The following SEC14L5 variants were observed in gnomAD, a reference collection of about 807,000 sequenced individuals.
SEC14L5 encodes SEC14-like protein 5.
A neutral mutation model predicts 84.6 loss-of-function variants in SEC14L5; 96 were observed. The ratio of observed to expected loss-of-function variants is 1.13; its 90% CI spans 0.96 to 1.34. The LOEUF (loss-of-function observed/expected upper bound fraction) is 1.34, where lower values mean the gene tolerates loss of function less well. SEC14L5 is among the 40% of genes most tolerant of loss of function. SEC14L5 has a pLI of 0.00. For synonymous variants in SEC14L5, 546 were observed against 383.4 expected, an observed-to-expected ratio of 1.42 and a Z score of -4.95; for missense variants, 1,224 against 942.5, an observed-to-expected ratio of 1.30 and a Z score of -3.91.
chr16:5,016,887 C>T lies in SEC14L5; in HGVS notation c.*1917C>T, dbSNP rs1377432087. On this transcript the variant is annotated 3_prime_UTR_variant, in exon 16 of 16. Coordinates refer to ENST00000251170, the MANE Select transcript of SEC14L5 (RefSeq NM_014692.2). ...TCTGAACAAAATAGATTGCTTTGCA[C>T]TCTGCGTCAAGGTGTGTGTGCACAT... 6.6e-6 allele frequency: 1 copy of T among 152,236 alleles called. No individual in the cohort carries two copies. Among genetic ancestry groups the T allele is most frequent in the Non-Finnish European group, 1.5e-5 (1 of 68,054 alleles). The allele number at this position is 152,236 out of a possible 1,614,324, so 9.4% of individuals were successfully genotyped here. A position where few individuals can be genotyped will look rare whatever the true frequency, so the allele number is the denominator to read the frequency against.
At position 4,958,394 on chromosome 16, in the gene SEC14L5, G is replaced by A. The variant is rs1955076947; in HGVS notation, c.-103G>A. On this transcript the variant is annotated 5_prime_UTR_variant, in exon 1 of 16. Transcript: ENST00000251170. Reference sequence around the variant, plus strand: ...TCCACAGCTGTCCTGGCCGCAGGGTGTTCAAGGCGGGACACACCAGGCTAG... The same window carrying A: ...TCCACAGCTGTCCTGGCCGCAGGGTATTCAAGGCGGGACACACCAGGCTAG... The A allele has an allele frequency of 1.3e-5, 2 of 152,678 alleles. No individual in the cohort carries two copies. The highest frequency in any genetic ancestry group is 4.1e-4 in the South Asian group (2 of 4,844). The allele number at this position is 152,678 out of a possible 1,614,324, so 9.5% of individuals were successfully genotyped here. A position where few individuals can be genotyped will look rare whatever the true frequency, so the allele number is the denominator to read the frequency against.
At chr16:4,973,975 C>T (rs1247562586) in intron 2 of SEC14L5, among the ~76,000 whole-genome samples, 2 of 151,366 alleles carry the variant, frequency 1.3e-5, no homozygotes, top group Non-Finnish European at 3.0e-5. Context: ...TAAGCCACCT[C>T]ACCAGGCCTT....
chr16:4,959,813 C>G (rs1955097137), intron 2 of SEC14L5, among the ~76,000 whole-genome samples: 1 of 152,110 alleles, frequency 6.6e-6, no homozygotes, highest in Non-Finnish European at 1.5e-5. Flanking sequence ...CTGTTATTTT[C>G]CCATGTAACC....
rs1191251208 is a variant in SEC14L5, at chr16:5,008,468, T to C, written c.1620T>C (p.Phe540=). ...LEGESVITWD[F]DILRGDVVFS... is the part of the protein sequence containing the mutation. The stretch of plus-strand genomic sequence containing the variant: ...GAGAGTCGGTCATCACCTGGGACTT[T>C]GACATCCTGCGAGGGGACGTGGTGT... The change falls in exon 14 of 16, where the codon TTT becomes TTC. Residue 540 remains phenylalanine (F), a synonymous_variant. Transcript: ENST00000251170. 4 of 1,613,184 alleles carry C rather than the reference T, an allele frequency of 2.5e-6. No individual in the cohort carries two copies. The highest frequency in any genetic ancestry group is 4.5e-5 in the East Asian group (2 of 44,858).
intron 2 of SEC14L5, among the ~76,000 whole-genome samples, chr16:4,987,112 C>G (rs1050873001): frequency 6.6e-6 from 1 of 152,088 alleles, no homozygotes; most frequent in Non-Finnish European, 1.5e-5. Flanking sequence ...TAGGGGAAAG[C>G]ACTCATTCAC....
At chr16:5,005,624 G>C (rs1039493957) in intron 11 of SEC14L5, among the ~76,000 whole-genome samples, 1 of 152,040 alleles carries the variant, frequency 6.6e-6, no homozygotes, top group African/African-American at 2.4e-5. Context: ...CACTTTGGGA[G>C]GCCGAGGCAG....
At position 5,005,973 on chromosome 16, in the gene SEC14L5, C is replaced by T; in HGVS notation, c.1362C>T (p.Asn454=). The part of the protein sequence containing the change: ...RRKFLIYSGS[N]YQGPGGLVDY... ...AGTTCCTCATCTACAGTGGCAGCAA[C>T]TACCAGGGACCCGGAGGCCTTGTGG... Residue 454 remains asparagine, a synonymous_variant, in exon 12 of 16, where the codon AAC becomes AAT. Transcript: ENST00000251170. The T allele has an allele frequency of 6.2e-7, 1 of 1,612,926 alleles. No individual in the cohort carries two copies. The highest frequency in any genetic ancestry group is 8.5e-7 in the Non-Finnish European group (1 of 1,179,410).
At chr16:4,983,562 A>G (rs1020086603) in intron 2 of SEC14L5, among the ~76,000 whole-genome samples, 2 of 150,396 alleles carry the variant, frequency 1.3e-5, no homozygotes, top group African/African-American at 4.9e-5. Context: ...ATATATATTT[A>G]TATATACACT....
At position 4,990,886 on chromosome 16, in the gene SEC14L5, C is replaced by T. The variant is rs533082954; in HGVS notation, c.465C>T (p.Asn155=). Residue 155 remains asparagine, a synonymous_variant, in exon 5 of 16, where the codon AAC becomes AAT. Transcript: ENST00000251170. ...TCGCCATGAAGCAGTACACCGCCAA[C>T]GTCAAGAGGGTAAGCGGTGGGTTGC... The part of the protein sequence containing the change: ...EKIAMKQYTA[N]VKRGKEVIEH... 7.3e-5 allele frequency: 116 copies of T among 1,598,140 alleles called. No individual in the cohort carries two copies. In the South Asian group the frequency reaches 8.5e-4, roughly 12 times the overall value.
intron 8 of SEC14L5, 69 bp downstream of exon 8, chr16:4,997,113 T>A (rs1596634853): frequency 1.7e-6 from 2 of 1,164,062 alleles, no homozygotes; most frequent in Non-Finnish European, 2.4e-6. Context: ...TTATTTATTA[T>A]TTTGAGATGG....
rs1343174861 is a variant in SEC14L5, at chr16:5,011,207, T to C, written c.1913T>C (p.Leu638Pro). 1.2e-6 allele frequency: 2 copies of C among 1,613,880 alleles called. No homozygotes were observed. Among genetic ancestry groups the C allele is most frequent in the Non-Finnish European group, 1.7e-6 (2 of 1,179,876 alleles). Residue 638 changes from leucine to proline, a missense_variant, in exon 15 of 16, where the codon CTG becomes CCG. Coordinates refer to ENST00000251170, the MANE Select transcript of SEC14L5 (RefSeq NM_014692.2). ...LPGVDDVLTA[L>P]HSPGPKCKLL... Reference sequence around the variant, plus strand: ...GGTGTGGACGATGTCCTGACGGCTCTGCACAGCCCCGGGCCCAAGTGCAAA... The same window carrying C: ...GGTGTGGACGATGTCCTGACGGCTCCGCACAGCCCCGGGCCCAAGTGCAAA...
Position 5,003,592 on chromosome 16 carries a change from G to A in SEC14L5, c.1302+19G>A. ...GACACTGGTAAGAGCTGGAGCCTGG[G>A]CCAGGACTCTCCCTGGGGGTGGGTG... is the stretch of plus-strand genomic sequence containing the variant. On this transcript the variant is annotated intron_variant, in intron 11 of 15. Transcript: ENST00000251170. 9.3e-6 allele frequency: 6 copies of A among 646,500 alleles called. No homozygotes were observed. The highest frequency in any genetic ancestry group is 1.1e-5 in the Non-Finnish European group (5 of 439,778). 40.0% of individuals were successfully genotyped at this position (646,500 alleles called of 1,614,324 possible).
chr16:5,014,726 T>G, intron 15 of SEC14L5, 133 bp from the exon 16 acceptor site: 1 of 645,510 alleles, frequency 1.5e-6, no homozygotes, highest in Non-Finnish European at 2.7e-6. Flanking sequence ...TGGCGTCACT[T>G]GCTTTTCCCT....
rs1955492966 is a variant in SEC14L5 at position 4,986,839 on chromosome 16, A to G, written c.64-718A>G. ...TATTTTCAGTTTGCTCATTGTTAGT[A>G]CATAGAAATACAACTGATTTTTCTA... On this transcript the variant is annotated intron_variant, in intron 2 of 15. Coordinates refer to ENST00000251170, the MANE Select transcript of SEC14L5 (RefSeq NM_014692.2). Among the ~76,000 whole-genome samples, 3 of 152,334 alleles carry G rather than the reference A, an allele frequency of 2.0e-5. No individual in the cohort carries two copies. The South Asian group carries it at 6.2e-4, about 32-fold the overall frequency.
chr16:4,977,361 C>G (rs1206905591), intron 2 of SEC14L5, among the ~76,000 whole-genome samples: 2 of 129,430 alleles, frequency 1.5e-5, no homozygotes, highest in Non-Finnish European at 3.1e-5. Context: ...GCAGGAGAAT[C>G]GTTTGAACCC....
At chr16:4,978,577 C>T (rs1418254683) in intron 2 of SEC14L5, among the ~76,000 whole-genome samples, 6 of 148,860 alleles carry the variant, frequency 4.0e-5, no homozygotes, top group Non-Finnish European at 8.9e-5. Flanking sequence ...TGCCACCACA[C>T]TTGGGTAATT....
chr16:4,994,951 C>G (rs1452188724), intron 6 of SEC14L5, among the ~76,000 whole-genome samples: 1 of 152,142 alleles, frequency 6.6e-6, no homozygotes, highest in African/African-American at 2.4e-5. Context: ...GAGCTCCGGC[C>G]TCTCTCGTTT....
intron 4 of SEC14L5, among the ~76,000 whole-genome samples, chr16:4,988,894 A>G (rs1955523947): frequency 6.6e-6 from 1 of 152,244 alleles, no homozygotes; most frequent in Non-Finnish European, 1.5e-5. Flanking sequence ...GGTCCATTCC[A>G]GTGGAACAAA....
chr16:4,988,537 G>A (rs903070989), intron 4 of SEC14L5, among the ~76,000 whole-genome samples: 1 of 152,128 alleles, frequency 6.6e-6, no homozygotes, highest in Non-Finnish European at 1.5e-5. Flanking sequence ...AAATTCAAAC[G>A]TGACTGGACA....
Sources: gnomAD v4.1 joint callset for allele counts (sites outside exome capture counted in the v4.1 genomes callset) on GRCh38, gnomAD v4.1.1 for gene constraint, MANE v1.5 for transcripts, NCBI Gene and HGNC (gene_info 2026-07-23, HGNC 2026-07-21) for gene names.